The following GPD2 variants were observed in gnomAD, a reference collection of about 807,000 sequenced individuals.
GPD2 encodes the protein glycerol-3-phosphate dehydrogenase 2, also known as glycerol-3-phosphate dehydrogenase, mitochondrial.
In GPD2, 54 loss-of-function variants were observed where a neutral mutation model predicts 82.4. That is an observed-to-expected ratio of 0.66 (90% CI 0.53 to 0.82). The LOEUF (loss-of-function observed/expected upper bound fraction) is 0.82. Ranked by LOEUF, GPD2 falls within the 40% of genes least tolerant of loss-of-function variation. The probability of loss-of-function intolerance (pLI) is 0.00; values close to 1 mark genes in which losing one functional copy is unlikely to be tolerated. For synonymous variants in GPD2, 288 were observed against 306.1 expected, an observed-to-expected ratio of 0.94 and a Z score of 0.62; for missense variants, 748 against 896.2, an observed-to-expected ratio of 0.83 and a Z score of 2.11.
intron 9 of GPD2, among the ~76,000 whole-genome samples, chr2:156,564,095 G>T (rs557301611): frequency 9.2e-5 from 14 of 152,130 alleles, no homozygotes; most frequent in African/African-American, 3.4e-4. Context: ...TAATAGAATC[G>T]TTGAATTTGG....
chr2:156,557,632 G>T (rs1408417150), intron 9 of GPD2, 50 bp downstream of exon 9: 1 of 982,490 alleles, frequency 1.0e-6, no homozygotes. Flanking sequence ...TATCTCCCAA[G>T]CCATTCCAGC....
At chr2:156,401,503 G>C in the GPD2 span, among the ~76,000 whole-genome samples, 3 of 152,140 alleles carry the variant, frequency 2.0e-5, no homozygotes, top group Non-Finnish European at 2.9e-5. Context: ...CAGACACTTA[G>C]ATAATTTATA....
the GPD2 span, among the ~76,000 whole-genome samples, chr2:156,426,711 T>C: frequency 1.3e-5 from 2 of 152,112 alleles, no homozygotes; most frequent in South Asian, 2.1e-4. Context: ...TACATGTAGC[T>C]CAGAGAAGCC....
intron 2 of GPD2, among the ~76,000 whole-genome samples, chr2:156,478,645 C>CG (rs916175626): frequency 2.9e-4 from 44 of 151,908 alleles, no homozygotes; most frequent in Admixed American, 6.5e-4. Flanking sequence ...GCCATTCTAG[C>CG]GGGGGGGAAT....
chr2:156,540,385 C>T (rs1199555491), intron 6 of GPD2, among the ~76,000 whole-genome samples: 1 of 152,024 alleles, frequency 6.6e-6, no homozygotes, highest in African/African-American at 2.4e-5. Flanking sequence ...GTTCTGTATC[C>T]CAGGGGACCG....
intron 10 of GPD2, 96 bp downstream of exon 10, chr2:156,569,055 C>T: frequency 1.9e-6 from 2 of 1,038,720 alleles, no homozygotes; most frequent in Non-Finnish European, 1.5e-6. Context: ...TCTTGAACTC[C>T]TGGACTAAGG....
chr2:156,513,215 C>T, intron 5 of GPD2, 118 bp from the exon 6 acceptor site: 1 of 803,946 alleles, frequency 1.2e-6, no homozygotes. Flanking sequence ...GTTTCTTTTG[C>T]AGTCCACTTC....
chr2:156,575,154 A>C (rs77978204), intron 13 of GPD2, among the ~76,000 whole-genome samples: 5,140 of 152,262 alleles, frequency 0.034, 295 homozygotes, highest in African/African-American at 0.12. Flanking sequence ...ATACTGTAGC[A>C]AATAGGAATG....
At chr2:156,544,602 C>T (rs1224500404) in intron 6 of GPD2, among the ~76,000 whole-genome samples, 4 of 152,094 alleles carry the variant, frequency 2.6e-5, no homozygotes, top group Non-Finnish European at 5.9e-5. Context: ...TACTGATGCC[C>T]AGTCTCTTTT....
intron 1 of GPD2, among the ~76,000 whole-genome samples, chr2:156,442,670 T>C (rs1682215795): frequency 6.6e-6 from 1 of 152,030 alleles, no homozygotes; most frequent in South Asian, 2.1e-4. Context: ...AAGCTGCGTC[T>C]GGTGGTGCGT....
intron 2 of GPD2, chr2:156,495,661 A>T: frequency 4.5e-6 from 2 of 440,776 alleles, no homozygotes; most frequent in South Asian, 3.4e-5. Flanking sequence ...CACCACTTTA[A>T]TATGTCATCT....
chr2:156,504,382 A>G (rs1462701488), intron 3 of GPD2, among the ~76,000 whole-genome samples: 1 of 152,054 alleles, frequency 6.6e-6, no homozygotes, highest in African/African-American at 2.4e-5. Context: ...AAAGAAAGAT[A>G]AACTCACCTT....
At chr2:156,447,514 T>A (rs1558902575) in intron 1 of GPD2, among the ~76,000 whole-genome samples, 1 of 152,048 alleles carries the variant, frequency 6.6e-6, no homozygotes, top group Non-Finnish European at 1.5e-5. Flanking sequence ...TTTACTTTTT[T>A]TATAGAGATG....
chr2:156,555,558 G>A (rs551610713), intron 8 of GPD2, among the ~76,000 whole-genome samples: 1 of 152,074 alleles, frequency 6.6e-6, no homozygotes, highest in South Asian at 2.1e-4. Flanking sequence ...TTATCAAATA[G>A]AATGAACTCT....
chr2:156,482,967 G>T (rs1337078845), intron 2 of GPD2, among the ~76,000 whole-genome samples: 1 of 152,114 alleles, frequency 6.6e-6, no homozygotes, highest in Admixed American at 6.6e-5. Flanking sequence ...CAGGAATTTT[G>T]AGAACGTTGT....
chr2:156,534,919 G>A (rs951248527), intron 6 of GPD2, among the ~76,000 whole-genome samples: 1 of 152,190 alleles, frequency 6.6e-6, no homozygotes, highest in Non-Finnish European at 1.5e-5. Context: ...ATGTGTGTGA[G>A]AGAATCTAGG....
chr2:156,441,637 G>T (rs185926947), intron 1 of GPD2, among the ~76,000 whole-genome samples: 12 of 152,326 alleles, frequency 7.9e-5, no homozygotes, highest in African/African-American at 2.6e-4. Context: ...GGATGGGGTT[G>T]TAGGAACCCC....
chr2:156,517,913 T>C (rs1466754779), intron 6 of GPD2, among the ~76,000 whole-genome samples: 1 of 152,176 alleles, frequency 6.6e-6, no homozygotes, highest in Non-Finnish European at 1.5e-5. Flanking sequence ...AAAATGAAAC[T>C]GAAGAACAAA....
chr2:156,451,231 T>G (rs1348866981), intron 1 of GPD2, among the ~76,000 whole-genome samples: 1 of 150,744 alleles, frequency 6.6e-6, no homozygotes, highest in African/African-American at 2.4e-5. Flanking sequence ...CACCTCCCAG[T>G]AGGGGTGGCC....
Sources: gnomAD v4.1 joint callset for allele counts (sites outside exome capture counted in the v4.1 genomes callset) on GRCh38, gnomAD v4.1.1 for gene constraint, MANE v1.5 for transcripts, NCBI Gene and HGNC (gene_info 2026-07-23, HGNC 2026-07-21) for gene names.